Variants in RASA3 observed in about 807,000 individuals in gnomAD.
The protein encoded by RASA3 is ras GTPase-activating protein 3.
A neutral mutation model predicts 110.0 loss-of-function variants in RASA3; 73 were observed. That is an observed-to-expected ratio of 0.66 (90% confidence interval 0.55 to 0.81). RASA3 has a LOEUF of 0.81. Ranked by LOEUF, RASA3 falls within the 30% of genes least tolerant of loss-of-function variation. The probability of loss-of-function intolerance (pLI) is 0.00; values close to 1 mark genes in which losing one functional copy is unlikely to be tolerated. For missense variants in RASA3, 976 were observed against 1,113.2 expected (o/e 0.88, Z 1.75); for synonymous variants, 500 against 451.4 (o/e 1.11, Z -1.37).
chr13:114,117,159 G>T (rs1238141805), intron 1 of RASA3, among the ~76,000 whole-genome samples: 1 of 122,872 alleles, frequency 8.1e-6, no homozygotes, highest in Admixed American at 8.0e-5. Flanking sequence ...TGTGTGAGGG[G>T]TGCACGTGTG....
chr13:114,052,279 A>G (rs957961482), intron 2 of RASA3, 124 bp from the exon 3 acceptor site: 9 of 629,514 alleles, frequency 1.4e-5, no homozygotes, highest in Non-Finnish European at 2.5e-5. Context: ...TGTGGCACGC[A>G]TGAGACATGA....
intron 4 of RASA3, among the ~76,000 whole-genome samples, chr13:114,038,821 C>G (rs2054332746): frequency 6.6e-6 from 1 of 152,176 alleles, no homozygotes; most frequent in South Asian, 2.1e-4. Flanking sequence ...GCCATCCAGT[C>G]CCCCAGCCCA....
chr13:114,018,692 G>A lies in RASA3; in HGVS notation c.942+71C>T, dbSNP rs537985428. ...AGAAGGTGCCCTCTGGGGTGGGCCC[G>A]GGTGTAGGGTGGGGCCCCAGGCAGG... On this transcript the variant is annotated intron_variant, in intron 10 of 23. Transcript: ENST00000334062. The A allele has an allele frequency of 6.9e-5, 108 of 1,564,734 alleles. 1 individual carries two copies. In the East Asian group the frequency reaches 1.4e-3, roughly 20 times the overall value.
intron 1 of RASA3, among the ~76,000 whole-genome samples, chr13:114,110,350 T>TA (rs1161416885): frequency 6.6e-6 from 1 of 152,198 alleles, no homozygotes; most frequent in Non-Finnish European, 1.5e-5. Context: ...TTAAGTAATT[T>TA]AAAAATTATC....
chr13:114,014,782 C>A lies in RASA3; in HGVS notation c.1405+427G>T, dbSNP rs1329440060. ...CAGAGCCCCCAACACCACTCTGGGC[C>A]CTGCCAGGGTCGGCCACAAAAAGAA... On this transcript the variant is annotated intron_variant, in intron 14 of 23. Coordinates refer to ENST00000334062, the MANE Select transcript of RASA3 (RefSeq NM_007368.4). The surrounding 1 kb of genome is among the most constrained non-coding windows in gnomAD (Gnocchi z 4.5). 1.3e-5 allele frequency among the ~76,000 whole-genome samples: 2 copies of A among 152,078 alleles called. No homozygotes were observed. Among genetic ancestry groups the A allele is most frequent in the South Asian group, 4.1e-4 (2 of 4,824 alleles).
At chr13:113,999,385 G>C (rs1277548684) in intron 20 of RASA3, among the ~76,000 whole-genome samples, 200 bp downstream of exon 20, 1 of 152,102 alleles carries the variant, frequency 6.6e-6, no homozygotes, top group East Asian at 1.9e-4. Flanking sequence ...CCCGGGCACA[G>C]AGAGTGTGGC....
intron 4 of RASA3, among the ~76,000 whole-genome samples, chr13:114,033,405 C>G (rs1454683209): frequency 2.3e-5 from 3 of 129,540 alleles, no homozygotes; most frequent in Admixed American, 8.1e-5. Flanking sequence ...CCCCACACTT[C>G]ATACCATGTT....
chr13:114,088,449 GC>G (rs1275301021), intron 1 of RASA3, among the ~76,000 whole-genome samples: 5 of 152,208 alleles, frequency 3.3e-5, no homozygotes, highest in Non-Finnish European at 7.4e-5. Context: ...TAAGCCTCTT[GC>G]CCCCTAGGGA....
intron 23 of RASA3, 81 bp downstream of exon 23, chr13:113,981,594 A>G: frequency 6.9e-7 from 1 of 1,439,394 alleles, no homozygotes; most frequent in Non-Finnish European, 9.5e-7. Flanking sequence ...CCCACCCGGG[A>G]GCTCCCTGCA....
intron 1 of RASA3, among the ~76,000 whole-genome samples, chr13:114,127,289 CG>C (rs2080463701): frequency 6.6e-6 from 1 of 152,230 alleles, no homozygotes; most frequent in African/African-American, 2.4e-5. Context: ...GGGCTGCCTC[CG>C]GGGTCCACAC....
chr13:114,015,240 G>A lies in RASA3; in HGVS notation c.1374C>T (p.Ser458=), dbSNP rs968380252. The change falls in exon 14 of 24, where the codon TCC becomes TCT. Residue 458 remains serine (S), a synonymous_variant. Coordinates refer to ENST00000334062, the MANE Select transcript of RASA3 (RefSeq NM_007368.4). ...CPTVMCDIFF[S]LREAAAKRFQ... ...AGCGCTTGGCCGCCGCCTCCCGGAG[G>A]GAGAAGAAGATGTCACACATGACGG... The A allele has an allele frequency of 1.2e-6, 2 of 1,613,052 alleles. No homozygotes were observed. Among genetic ancestry groups the A allele is most frequent in the African/African-American group, 1.3e-5 (1 of 74,944 alleles).
intron 14 of RASA3, among the ~76,000 whole-genome samples, chr13:114,013,619 CATCTG>C (rs2053699775): frequency 1.6e-5 from 1 of 61,338 alleles, no homozygotes; most frequent in Non-Finnish European, 3.1e-5. Context: ...TCCCCCCCTC[CATCTG>C]TCTCTCTCTC....
intron 4 of RASA3, among the ~76,000 whole-genome samples, chr13:114,038,409 G>A (rs7995126): frequency 0.25 from 37,424 of 152,272 alleles, 8,138 homozygotes; most frequent in African/African-American, 0.57. Context: ...TAATCACAGC[G>A]TCCTTCACTT....
Position 114,041,052 on chromosome 13 carries a change from T to C in RASA3, c.320A>G (p.Asn107Ser). 2 of 1,613,846 alleles carry C rather than the reference T, an allele frequency of 1.2e-6. No homozygotes were observed. The highest frequency in any genetic ancestry group is 1.1e-5 in the South Asian group (1 of 91,088). The change falls in exon 4 of 24, where the codon AAC becomes AGC. Residue 107 changes from asparagine to serine, a missense_variant. Coordinates refer to ENST00000334062, the MANE Select transcript of RASA3 (RefSeq NM_007368.4). ...IQKEDLQKYHNRDTWFQLQHV... is the reference protein window; with the variant it reads ...IQKEDLQKYHSRDTWFQLQHV... ...CTGCAGCTGGAACCAGGTGTCCCTG[T>C]TGTGGTACTTCTGCAAGTCCTCCTT... is the stretch of plus-strand genomic sequence containing the variant.
At chr13:114,009,645 C>T (rs1003814213) in intron 16 of RASA3, among the ~76,000 whole-genome samples, 181 bp from the exon 17 acceptor site, 7 of 152,380 alleles carry the variant, frequency 4.6e-5, no homozygotes, top group Admixed American at 4.6e-4. Context: ...ACATAAATCG[C>T]TCAGGCGCCA....
chr13:113,996,151 A>G (rs2139127784), intron 21 of RASA3, among the ~76,000 whole-genome samples: 1 of 151,608 alleles, frequency 6.6e-6, no homozygotes. Flanking sequence ...CGTCATGTGG[A>G]ATCAAGGTGG....
At chr13:114,059,362 G>A (rs1385071003) in intron 2 of RASA3, among the ~76,000 whole-genome samples, 1 of 152,246 alleles carries the variant, frequency 6.6e-6, no homozygotes, top group African/African-American at 2.4e-5. Flanking sequence ...AAGACTATAT[G>A]GCACGTCTAA....
intron 4 of RASA3, among the ~76,000 whole-genome samples, chr13:114,039,734 C>T (rs550530507): frequency 6.6e-6 from 1 of 152,360 alleles, no homozygotes; most frequent in South Asian, 2.1e-4. Flanking sequence ...TGCCGGGCAG[C>T]TGGGCACCGT....
chr13:114,029,784 T>C, intron 5 of RASA3, 27 bp downstream of exon 5: 1 of 1,575,324 alleles, frequency 6.3e-7, no homozygotes, highest in Non-Finnish European at 8.6e-7. Flanking sequence ...CGCTGTGCGC[T>C]CGGTCTCTAG....
Sources: allele counts gnomAD v4.1 joint callset (sites outside exome capture counted in the v4.1 genomes callset), GRCh38; gene constraint gnomAD v4.1.1; non-coding constraint Gnocchi (gnomAD v3.1); transcripts MANE v1.5; gene names NCBI Gene and HGNC (gene_info 2026-07-23, HGNC 2026-07-21).